ZCCHC14: variants seen among roughly 807,000 people sequenced by gnomAD.
ZCCHC14 encodes zinc finger CCHC-type containing 14, also known as zinc finger CCHC domain-containing protein 14.
ZCCHC14 carries 16 observed loss-of-function variants against 85.0 expected under a neutral mutation model. The observed-to-expected ratio is 0.19, with a 90% CI of 0.13 to 0.29. ZCCHC14 has a LOEUF of 0.29. ZCCHC14 is among the 10% of genes least tolerant of loss of function. The pLI is 1.00. For missense variants in ZCCHC14, 1,303 were observed against 1,443.5 expected (o/e 0.90, Z 1.58); for synonymous variants, 775 against 630.7 (o/e 1.23, Z -3.43).
At chr16:87,464,210 C>A (rs1213223927) in intron 1 of ZCCHC14, among the ~76,000 whole-genome samples, 4 of 152,200 alleles carry the variant, frequency 2.6e-5, no homozygotes, top group Non-Finnish European at 5.9e-5. Flanking sequence ...GAAAACACAG[C>A]CTTGGAGAGA....
At chr16:87,484,803 A>G (rs1278235716) in intron 1 of ZCCHC14, among the ~76,000 whole-genome samples, 1 of 152,094 alleles carries the variant, frequency 6.6e-6, no homozygotes, top group Non-Finnish European at 1.5e-5. Flanking sequence ...TTTTGTTGAA[A>G]ACACAAATCA....
chr16:87,431,156 A>T (rs2150736625), intron 3 of ZCCHC14, among the ~76,000 whole-genome samples: 1 of 150,926 alleles, frequency 6.6e-6, no homozygotes, highest in South Asian at 2.1e-4. Flanking sequence ...AAGAAAAAAG[A>T]AAAGAAATGA....
Position 87,412,359 on chromosome 16 carries a change from T to C in ZCCHC14, c.2362A>G (p.Ile788Val), listed in dbSNP as rs759045134. ...LSSSVPADSA[I>V]SGQTSCPNNV... ...TTAGGACAGGAAGTTTGCCCAGAAA[T>C]GGCAGAATCAGCAGGAACAGATGAC... The change falls in exon 12 of 13, where the codon ATT becomes GTT. Residue 788 changes from isoleucine (I) to valine (V), a missense_variant. By Grantham distance (29) the Ile-to-Val change is conservative. Coordinates refer to ENST00000671377, the MANE Select transcript of ZCCHC14 (RefSeq NM_015144.3). The C allele has an allele frequency of 6.2e-7, 1 of 1,614,100 alleles. No individual in the cohort carries two copies. Among genetic ancestry groups the C allele is most frequent in the South Asian group, 1.1e-5 (1 of 91,086 alleles).
Position 87,491,532 on chromosome 16 carries a change from G to A in ZCCHC14, c.570+137C>T, listed in dbSNP as rs1408889505. On this transcript the variant is annotated intron_variant, in intron 1 of 12. Coordinates refer to ENST00000671377, the MANE Select transcript of ZCCHC14 (RefSeq NM_015144.3). The surrounding 1 kb of genome is among the most constrained non-coding windows in gnomAD (Gnocchi z 5.9). ...TACGGGCTGGGGGCTCGTGGTGCAG[G>A]TTGGAGACCTGGGTGGGAGCTCTCA... 3.6e-5 allele frequency: 26 copies of A among 727,772 alleles called. No homozygotes were observed. The highest frequency in any genetic ancestry group is 2.0e-6 in the Non-Finnish European group (1 of 511,032). The allele number at this position is 727,772 out of a possible 1,614,324, so 45.1% of individuals were successfully genotyped here.
intron 2 of ZCCHC14, among the ~76,000 whole-genome samples, chr16:87,451,689 A>G (rs760079145): frequency 1.6e-4 from 25 of 152,240 alleles, no homozygotes; most frequent in Non-Finnish European, 3.1e-4. Context: ...GGCAGGGCCT[A>G]TTCTGGGCAG....
chr16:87,456,080 C>G (rs1352518316), intron 2 of ZCCHC14, among the ~76,000 whole-genome samples: 1 of 152,118 alleles, frequency 6.6e-6, no homozygotes, highest in Admixed American at 6.5e-5. Flanking sequence ...CACTGTGAAA[C>G]TTTTTCAACT....
Position 87,491,701 on chromosome 16 carries a change from C to T in ZCCHC14, c.538G>A (p.Gly180Ser), listed in dbSNP as rs1215123734. The change falls in exon 1 of 13, where the codon GGC becomes AGC. Residue 180 changes from glycine to serine, a missense_variant. Physicochemically the swap from Gly to Ser is moderately conservative, Grantham distance 56 (BLOSUM62 0). Transcript: ENST00000671377. The surrounding 1 kb of genome is among the most constrained non-coding windows in gnomAD (Gnocchi z 5.9). ...HGGKGAPGPG[G>S]ALPTCPACHK... ...CAGGCTGGGCAAGTGGGCAGCGCGC[C>T]GCCCGGCCCGGGCGCGCCCTTGCCG... The T allele has an allele frequency of 3.4e-6, 5 of 1,466,472 alleles. No individual in the cohort carries two copies. In the Admixed American group the frequency reaches 9.7e-5, roughly 28 times the overall value. The allele number at this position is 1,466,472 out of a possible 1,614,324, so 90.8% of individuals were successfully genotyped here. A position where few individuals can be genotyped will look rare whatever the true frequency, so the allele number is the denominator to read the frequency against.
chr16:87,467,773 T>C, intron 1 of ZCCHC14: 3 of 505,724 alleles, frequency 5.9e-6, no homozygotes, highest in Non-Finnish European at 1.1e-5. Flanking sequence ...TGCCTCAGCT[T>C]CTCAAGTAGC....
At chr16:87,468,587 C>G (rs928692466) in intron 1 of ZCCHC14, among the ~76,000 whole-genome samples, 4 of 152,240 alleles carry the variant, frequency 2.6e-5, no homozygotes, top group African/African-American at 9.6e-5. Flanking sequence ...CAGGTTCAAA[C>G]CCCTTCCCCC....
intron 2 of ZCCHC14, among the ~76,000 whole-genome samples, chr16:87,438,634 A>G (rs992715303): frequency 1.3e-5 from 2 of 152,386 alleles, no homozygotes; most frequent in Middle Eastern, 3.4e-3. Context: ...ATGAATAAAA[A>G]CAGGAAATGG....
intron 1 of ZCCHC14, among the ~76,000 whole-genome samples, chr16:87,474,847 G>A (rs1430590765): frequency 3.9e-5 from 6 of 152,194 alleles, no homozygotes; most frequent in African/African-American, 1.2e-4. Flanking sequence ...AGGCAGGCAC[G>A]GGGCAGGTCC....
intron 1 of ZCCHC14, among the ~76,000 whole-genome samples, chr16:87,466,083 G>T (rs1464677773): frequency 6.6e-6 from 1 of 152,164 alleles, no homozygotes; most frequent in Non-Finnish European, 1.5e-5. Context: ...GCTGGCTGCA[G>T]GTTGTGACCC....
At chr16:87,446,874 CG>C (rs1264695976) in intron 2 of ZCCHC14, among the ~76,000 whole-genome samples, 3 of 151,888 alleles carry the variant, frequency 2.0e-5, no homozygotes, top group African/African-American at 7.2e-5. Context: ...TTAGTAGAGA[CG>C]GGGGTTTCAC....
At chr16:87,447,256 A>G (rs1597427129) in intron 2 of ZCCHC14, among the ~76,000 whole-genome samples, 1 of 152,006 alleles carries the variant, frequency 6.6e-6, no homozygotes, top group Admixed American at 6.5e-5. Context: ...CAGCCTGGAC[A>G]CCTGCCAGAC....
In ZCCHC14 at chr16:87,491,504, G is replaced by C. The variant is rs1014016959; in HGVS notation, c.570+165C>G. On this transcript the variant is annotated intron_variant, in intron 1 of 12. Coordinates refer to ENST00000671377, the MANE Select transcript of ZCCHC14 (RefSeq NM_015144.3). This position sits in a 1 kb window ranked among gnomAD's most constrained non-coding sequence, Gnocchi z 5.9. ...ACATAGAGGCTTAGGATGGGGCTTG[G>C]GATACGGGCTGGGGGCTCGTGGTGC... Among the ~76,000 whole-genome samples the C allele has an allele frequency of 9.9e-5, 15 of 151,970 alleles. No individual in the cohort carries two copies. Among genetic ancestry groups the C allele is most frequent in the African/African-American group, 3.6e-4 (15 of 41,372 alleles).
At position 87,412,588 on chromosome 16, in the gene ZCCHC14, G is replaced by A; in HGVS notation, c.2133C>T (p.Val711=). The change falls in exon 12 of 13, where the codon GTC becomes GTT. Residue 711 remains valine (V), a synonymous_variant. Transcript: ENST00000671377. ...PASAPHQPVQ[V]LSGLSESSSM... is the part of the protein sequence containing the mutation. ...AGCTGCTCTCCGAAAGCCCAGAGAG[G>A]ACCTGCACAGGCTGGTGGGGTGCGG... 1 of 1,614,182 alleles carries A rather than the reference G, an allele frequency of 6.2e-7. No homozygotes were observed. Among genetic ancestry groups the A allele is most frequent in the East Asian group, 2.2e-5 (1 of 44,876 alleles).
chr16:87,458,125 G>T (rs117513180), intron 2 of ZCCHC14, among the ~76,000 whole-genome samples: 1 of 151,676 alleles, frequency 6.6e-6, no homozygotes. Context: ...GAATGGGGAT[G>T]TCAATAATTA....
At chr16:87,481,560 A>AGGGG (rs1912280357) in intron 1 of ZCCHC14, among the ~76,000 whole-genome samples, 1 of 14,934 alleles carries the variant, frequency 6.7e-5, no homozygotes. Flanking sequence ...GGGAAGGGTA[A>AGGGG]GCGGGAGGGG....
In ZCCHC14 at chr16:87,408,000, A is replaced by C. The variant is rs991238680; in HGVS notation, c.*2280T>G. 6.5e-6 allele frequency: 1 copy of C among 152,700 alleles called. No individual in the cohort carries two copies. Among genetic ancestry groups the C allele is most frequent in the Admixed American group, 6.5e-5 (1 of 15,278 alleles). 9.5% of individuals were successfully genotyped at this position (152,700 alleles called of 1,614,324 possible). On this transcript the variant is annotated 3_prime_UTR_variant, in exon 13 of 13. Transcript: ENST00000671377. ...TGGAGATGTCACACGCCGCCCATGC[A>C]CGTTCAAGACGACTGGCAGCTCCGC... is the stretch of plus-strand genomic sequence containing the variant.
Sources: allele counts gnomAD v4.1 joint callset (sites outside exome capture counted in the v4.1 genomes callset), GRCh38; gene constraint gnomAD v4.1.1; non-coding constraint Gnocchi (gnomAD v3.1); transcripts MANE v1.5; gene names NCBI Gene and HGNC (gene_info 2026-07-23, HGNC 2026-07-21).